DLGAP2: variants seen among roughly 807,000 people sequenced by gnomAD.
DLGAP2 encodes disks large-associated protein 2.
In DLGAP2, 26 loss-of-function variants were observed where a neutral mutation model predicts 100.3. The observed-to-expected ratio is 0.26, with a 90% CI of 0.19 to 0.36. The LOEUF is 0.36. DLGAP2 is among the 10% of genes least tolerant of loss of function. The pLI, the probability that DLGAP2 is intolerant of heterozygous loss-of-function variation, is 1.00. For missense variants in DLGAP2, 1,858 were observed against 1,453.2 expected (o/e 1.28, Z -4.53); for synonymous variants, 886 against 630.1 (o/e 1.41, Z -6.08).
chr8:1,659,179 A>C (rs761332504), intron 8 of DLGAP2, among the ~76,000 whole-genome samples: 6 of 152,132 alleles, frequency 3.9e-5, no homozygotes, highest in Non-Finnish European at 1.5e-5. Context: ...CCTGAGTTCT[A>C]ATTTGATTGC....
chr8:1,548,828 C>T lies in DLGAP2; in HGVS notation c.375C>T (p.Ala125=), dbSNP rs765182593. The T allele has an allele frequency of 1.1e-5, 17 of 1,580,350 alleles. No homozygotes were observed. Among genetic ancestry groups the T allele is most frequent in the East Asian group, 2.3e-5 (1 of 43,924 alleles). The part of the protein sequence containing the change: ...DARPPYLLSP[A]DSCPGGRHRC... ...GGCCGCCCTACCTGCTGAGCCCCGC[C>T]GACAGCTGCCCCGGGGGGCGCCACC... The change falls in exon 5 of 15, where the codon GCC becomes GCT. Residue 125 remains alanine (A), a synonymous_variant. Transcript: ENST00000637795.
intron 2 of DLGAP2, among the ~76,000 whole-genome samples, chr8:918,350 G>A (rs1316507418): frequency 1.3e-5 from 2 of 152,216 alleles, no homozygotes; most frequent in African/African-American, 4.8e-5. Flanking sequence ...TTGTTTTTAA[G>A]CCATTCGTAG....
At chr8:1,240,267 CGTGTCT>C in intron 2 of DLGAP2, among the ~76,000 whole-genome samples, 1 of 65,234 alleles carries the variant, frequency 1.5e-5, no homozygotes, top group African/African-American at 4.2e-5. Flanking sequence ...TACATGGCGC[CGTGTCT>C]AGTTCTGTTA....
chr8:1,163,408 G>C (rs969535877), intron 2 of DLGAP2, among the ~76,000 whole-genome samples: 11 of 152,172 alleles, frequency 7.2e-5, no homozygotes, highest in African/African-American at 2.7e-4. Context: ...GCGGCCCCAC[G>C]CTGGGCGAGG....
chr8:1,039,524 A>T (rs541285320), intron 2 of DLGAP2, among the ~76,000 whole-genome samples: 1 of 115,432 alleles, frequency 8.7e-6, no homozygotes, highest in Non-Finnish European at 1.7e-5. Context: ...GTGCATGTTC[A>T]GCTCGGTGTG....
Position 1,662,454 on chromosome 8 carries a change from T to G in DLGAP2, c.1811-5875T>G, listed in dbSNP as rs1028714127. On this transcript the variant is annotated intron_variant, in intron 8 of 14. Transcript: ENST00000637795. Reference sequence around the variant, plus strand: ...TGAATTTTGCAGTGGGCAAGGATTCTGACGTGCACTCTTGGACCCGTCTCT... The same window carrying G: ...TGAATTTTGCAGTGGGCAAGGATTCGGACGTGCACTCTTGGACCCGTCTCT... Among the ~76,000 whole-genome samples, 61 of 152,250 alleles carry G rather than the reference T, an allele frequency of 4.0e-4. 1 individual carries two copies. Among genetic ancestry groups the G allele is most frequent in the Admixed American group, 2.0e-3 (31 of 15,286 alleles).
intron 2 of DLGAP2, among the ~76,000 whole-genome samples, chr8:1,177,810 G>A (rs780603809): frequency 2.0e-5 from 3 of 152,184 alleles, no homozygotes; most frequent in Non-Finnish European, 2.9e-5. Flanking sequence ...GGGTGAGGGA[G>A]CTCTCCAGGG....
rs187328148 is a variant in DLGAP2, at chr8:748,844, C to T, written c.18+11019C>T. On this transcript the variant is annotated intron_variant, in intron 1 of 14. Coordinates refer to ENST00000637795, the MANE Select transcript of DLGAP2 (RefSeq NM_001346810.2). ...CCGGGGTTACTGCTTTGTTGTGCGG[C>T]GCGGAGACCTTTCGTTGGCTGCCAG... 2.0e-5 allele frequency among the ~76,000 whole-genome samples: 3 copies of T among 152,274 alleles called. No individual in the cohort carries two copies. The East Asian group carries it at 5.8e-4, about 29-fold the overall frequency.
At chr8:1,637,718 T>G (rs552860032) in intron 8 of DLGAP2, among the ~76,000 whole-genome samples, 1 of 152,352 alleles carries the variant, frequency 6.6e-6, no homozygotes, top group Non-Finnish European at 1.5e-5. Flanking sequence ...GCCGCTGCGC[T>G]AAGTGCTCTG....
intron 3 of DLGAP2, among the ~76,000 whole-genome samples, chr8:1,468,748 C>G (rs78863950): frequency 1.3e-4 from 19 of 150,538 alleles, no homozygotes; most frequent in African/African-American, 4.8e-4. Flanking sequence ...GCCAGAAGAC[C>G]AAAGCTGAGG....
chr8:1,255,833 G>A (rs968697430), intron 2 of DLGAP2, among the ~76,000 whole-genome samples: 1 of 131,444 alleles, frequency 7.6e-6, no homozygotes, highest in African/African-American at 3.3e-5. Flanking sequence ...CCCAGGTGCT[G>A]TGTGTGTGTC....
At chr8:1,165,904 G>A (rs1392575649) in intron 2 of DLGAP2, among the ~76,000 whole-genome samples, 2 of 151,384 alleles carry the variant, frequency 1.3e-5, no homozygotes, top group African/African-American at 4.8e-5. Context: ...CCACTTTTAA[G>A]ATAATAACAG....
intron 2 of DLGAP2, among the ~76,000 whole-genome samples, chr8:1,060,487 C>T (rs1010105470): frequency 2.0e-5 from 3 of 152,236 alleles, no homozygotes; most frequent in Middle Eastern, 3.4e-3. Flanking sequence ...CTGCTTCACA[C>T]GGCCCCCTCT....
chr8:845,402 C>T (rs1218759171), intron 1 of DLGAP2, among the ~76,000 whole-genome samples: 2 of 152,204 alleles, frequency 1.3e-5, no homozygotes, highest in Non-Finnish European at 2.9e-5. Context: ...ATTTGCATTT[C>T]TCCAATGGCT....
At chr8:1,585,944 A>C (rs1204333770) in intron 6 of DLGAP2, among the ~76,000 whole-genome samples, 1 of 152,218 alleles carries the variant, frequency 6.6e-6, no homozygotes, top group Non-Finnish European at 1.5e-5. Context: ...GTGTATAAAA[A>C]TATACACATA....
intron 2 of DLGAP2, among the ~76,000 whole-genome samples, chr8:1,216,410 T>C (rs1798213769): frequency 1.3e-5 from 2 of 151,872 alleles, no homozygotes; most frequent in South Asian, 4.2e-4. Context: ...GTGCAGTGGC[T>C]CAATCTTGGC....
chr8:835,436 C>T (rs1796854190), intron 1 of DLGAP2, among the ~76,000 whole-genome samples: 1 of 151,896 alleles, frequency 6.6e-6, no homozygotes, highest in Non-Finnish European at 1.5e-5. Context: ...GTTTTAGATT[C>T]CCCACTGTGC....
At position 1,026,236 on chromosome 8, in the gene DLGAP2, G is replaced by A. The variant is rs528695630; in HGVS notation, c.73+118270G>A. On this transcript the variant is annotated intron_variant, in intron 2 of 14. Transcript: ENST00000637795. ...TGTCTCGTTGGTGGAGACGTTTGCC[G>A]TCTTCCGAAGCTTCTCTGCACCAGA... Among the ~76,000 whole-genome samples, 5 of 152,288 alleles carry A rather than the reference G, an allele frequency of 3.3e-5. No homozygotes were observed. The South Asian group carries it at 6.2e-4, about 19-fold the overall frequency.
At chr8:1,670,961 G>A (rs1184063933) in intron 10 of DLGAP2, among the ~76,000 whole-genome samples, 1 of 152,238 alleles carries the variant, frequency 6.6e-6, no homozygotes, top group Admixed American at 6.5e-5. Flanking sequence ...GGCAGGAGGT[G>A]ACAGGCTGGG....
Sources: gnomAD v4.1 joint callset for allele counts (sites outside exome capture counted in the v4.1 genomes callset) on GRCh38, gnomAD v4.1.1 for gene constraint, MANE v1.5 for transcripts, NCBI Gene and HGNC (gene_info 2026-07-23, HGNC 2026-07-21) for gene names.